Variants in RBFOX1 observed in about 807,000 individuals in gnomAD.
RBFOX1 encodes RNA binding protein fox-1 homolog 1.
Under a neutral mutation model 57.7 loss-of-function variants are expected in RBFOX1, and 8 were observed. The observed-to-expected ratio is 0.14, with a 90% CI of 0.08 to 0.25. RBFOX1 has a LOEUF of 0.25. Among genes scored for constraint, RBFOX1 ranks in the 10% least tolerant of loss-of-function variants. The pLI, the probability that RBFOX1 is intolerant of heterozygous loss-of-function variation, is 1.00. For synonymous variants in RBFOX1, 326 were observed against 222.4 expected (o/e 1.47, Z -4.15); for missense variants, 611 against 548.5 (o/e 1.11, Z -1.14).
intron 5 of RBFOX1, among the ~76,000 whole-genome samples, chr16:7,567,210 A>AT (rs1251424231): frequency 4.9e-4 from 49 of 100,926 alleles, no homozygotes; most frequent in African/African-American, 1.4e-3. Context: ...TCCCTATATA[A>AT]ATATCCATAT....
chr16:7,043,662 T>C (rs1466834021), intron 3 of RBFOX1, among the ~76,000 whole-genome samples: 1 of 152,240 alleles, frequency 6.6e-6, no homozygotes, highest in East Asian at 1.9e-4. Context: ...TCCTGAAAAC[T>C]GGATTTTCCA....
At chr16:6,646,913 G>C (rs2098538907) in intron 2 of RBFOX1, among the ~76,000 whole-genome samples, 1 of 152,146 alleles carries the variant, frequency 6.6e-6, no homozygotes, top group Non-Finnish European at 1.5e-5. Flanking sequence ...AAGATACCGC[G>C]TGTACACATG....
At chr16:7,663,901 T>G (rs1349146204) in intron 12 of RBFOX1, among the ~76,000 whole-genome samples, 1 of 152,196 alleles carries the variant, frequency 6.6e-6, no homozygotes, top group Admixed American at 6.5e-5. Flanking sequence ...AAGAGCTTCT[T>G]TTCCTGGTTG....
At chr16:5,835,954 G>A (rs2056443917) in intron 3 of RBFOX1, among the ~76,000 whole-genome samples, 1 of 152,174 alleles carries the variant, frequency 6.6e-6, no homozygotes, top group Admixed American at 6.5e-5. Flanking sequence ...CAGGGAAGTT[G>A]GGGAAGAGGA....
At chr16:6,682,217 C>G (rs989944708) in intron 3 of RBFOX1, among the ~76,000 whole-genome samples, 3 of 152,164 alleles carry the variant, frequency 2.0e-5, no homozygotes, top group Admixed American at 6.5e-5. Context: ...CAGCAACGAA[C>G]AACGCAACAG....
chr16:6,593,437 T>C (rs901551014), intron 2 of RBFOX1, among the ~76,000 whole-genome samples: 15 of 152,154 alleles, frequency 9.9e-5, no homozygotes, highest in Admixed American at 6.5e-4. Flanking sequence ...AGAGGAAATA[T>C]TCAGTTTGGT....
chr16:6,823,760 C>G (rs2091713980), intron 3 of RBFOX1, among the ~76,000 whole-genome samples: 1 of 152,052 alleles, frequency 6.6e-6, no homozygotes, highest in African/African-American at 2.4e-5. Flanking sequence ...AAATATCAGC[C>G]ACTGTTCTAG....
intron 4 of RBFOX1, among the ~76,000 whole-genome samples, chr16:7,054,458 G>C (rs971362537): frequency 3.4e-5 from 5 of 146,046 alleles, no homozygotes; most frequent in African/African-American, 1.2e-4. Context: ...GGCCAGGATG[G>C]TCTCGATCTC....
chr16:6,952,176 C>T (rs9924276), intron 3 of RBFOX1, among the ~76,000 whole-genome samples: 1 of 152,130 alleles, frequency 6.6e-6, no homozygotes, highest in African/African-American at 2.4e-5. Flanking sequence ...CTATGTGGCA[C>T]TCTGAGAGAA....
chr16:7,607,427 T>C, intron 10 of RBFOX1, 89 bp downstream of exon 10: 2 of 1,212,056 alleles, frequency 1.7e-6, no homozygotes, highest in Non-Finnish European at 1.2e-6. Context: ...TAAAATAACC[T>C]GAAGCAAGTG....
At chr16:7,423,139 A>G (rs1283489251) in intron 4 of RBFOX1, 1 of 151,220 alleles carries the variant, frequency 6.6e-6, no homozygotes. Flanking sequence ...GAATATGAAT[A>G]TGGGTCCAGT....
chr16:6,601,218 CT>C (rs932238168), intron 2 of RBFOX1, among the ~76,000 whole-genome samples: 1 of 152,024 alleles, frequency 6.6e-6, no homozygotes, highest in African/African-American at 2.4e-5. Flanking sequence ...ATGGAAGAGT[CT>C]TTTTTGCTGA....
At chr16:6,315,771 T>TA (rs2081042654) in intron 1 of RBFOX1, among the ~76,000 whole-genome samples, 2 of 152,226 alleles carry the variant, frequency 1.3e-5, no homozygotes, top group Non-Finnish European at 2.9e-5. Flanking sequence ...TTCTTGGGTC[T>TA]CTCTGCAGGT....
chr16:6,998,663 C>T (rs1034955230), intron 3 of RBFOX1, among the ~76,000 whole-genome samples: 1 of 152,058 alleles, frequency 6.6e-6, no homozygotes. Flanking sequence ...TTTTGTGTTC[C>T]TTTCCCTCAG....
intron 1 of RBFOX1, among the ~76,000 whole-genome samples, chr16:6,242,593 A>G (rs981500008): frequency 1.3e-5 from 2 of 148,470 alleles, no homozygotes; most frequent in African/African-American, 5.0e-5. Context: ...CTTGTTAGGC[A>G]TTTACGTTCA....
chr16:6,057,871 G>T (rs2095634553), intron 1 of RBFOX1, among the ~76,000 whole-genome samples: 1 of 111,148 alleles, frequency 9.0e-6, no homozygotes, highest in Non-Finnish European at 1.7e-5. Context: ...ACTTTGTTCA[G>T]GTTACCAGAA....
intron 2 of RBFOX1, among the ~76,000 whole-genome samples, chr16:5,530,377 GT>G (rs1156834266): frequency 1.3e-5 from 2 of 152,136 alleles, no homozygotes. Flanking sequence ...CAGAATCAGG[GT>G]TCAGAGATGT....
intron 4 of RBFOX1, among the ~76,000 whole-genome samples, chr16:7,281,076 C>G (rs1470944093): frequency 6.6e-6 from 1 of 150,428 alleles, no homozygotes; most frequent in Non-Finnish European, 1.5e-5. Flanking sequence ...AGTCTTGGCT[C>G]ACTGCAACCT....
chr16:7,593,666 A>AT lies in RBFOX1; in HGVS notation c.469-1871dup, dbSNP rs58366190. On this transcript the variant is annotated intron_variant, in intron 7 of 15. Coordinates refer to ENST00000550418, the MANE Select transcript of RBFOX1 (RefSeq NM_018723.4). ...ACTGTGCAGGTCCACTTACATGTGAATTTTTTTTTTTTCCAACCAAAGGCA... is the reference window on the plus strand; with the variant it reads ...ACTGTGCAGGTCCACTTACATGTGAATTTTTTTTTTTTTCCAACCAAAGGCA... Among the ~76,000 whole-genome samples the AT allele has an allele frequency of 5.7e-3, 856 of 148,902 alleles. 4 individuals are homozygous for AT. The highest frequency in any genetic ancestry group is 0.017 in the African/African-American group (679 of 40,826).
Sources: allele counts gnomAD v4.1 joint callset (sites outside exome capture counted in the v4.1 genomes callset), GRCh38; gene constraint gnomAD v4.1.1; transcripts MANE v1.5; gene names NCBI Gene and HGNC (gene_info 2026-07-23, HGNC 2026-07-21).